Variants in LRRTM4 observed in about 807,000 individuals in gnomAD.
LRRTM4 encodes leucine-rich repeat transmembrane neuronal protein 4.
A neutral mutation model predicts 47.6 loss-of-function variants in LRRTM4; 25 were observed. The observed-to-expected ratio is 0.53, with a 90% confidence interval of 0.38 to 0.73. LRRTM4 has a LOEUF of 0.73. Among genes scored for constraint, LRRTM4 ranks in the 30% least tolerant of loss-of-function variants. The probability of loss-of-function intolerance (pLI) is 0.00; values close to 1 mark genes in which losing one functional copy is unlikely to be tolerated. For missense variants in LRRTM4, 638 were observed against 713.4 expected (o/e 0.89, Z 1.20); for synonymous variants, 311 against 269.5 (o/e 1.15, Z -1.51).
At chr2:76,803,845 A>T (rs1675829648) in intron 3 of LRRTM4, among the ~76,000 whole-genome samples, 1 of 152,140 alleles carries the variant, frequency 6.6e-6, no homozygotes, top group Admixed American at 6.6e-5. Flanking sequence ...GTTTTATGCT[A>T]TGCCAAAAAC....
intron 3 of LRRTM4, among the ~76,000 whole-genome samples, chr2:77,069,174 C>CTG (rs752000024): frequency 1.3e-5 from 2 of 152,080 alleles, no homozygotes; most frequent in South Asian, 2.1e-4. Flanking sequence ...CTCTATATTT[C>CTG]TGTGTGTGTG....
At chr2:76,807,443 T>TATATATATATAC (rs1340328428) in intron 3 of LRRTM4, among the ~76,000 whole-genome samples, 9 of 99,490 alleles carry the variant, frequency 9.0e-5, no homozygotes, top group Non-Finnish European at 1.2e-4. Flanking sequence ...TATACGTATA[T>TATATATATATAC]ACATATATAT....
chr2:76,865,590 A>G (rs1672441809), intron 3 of LRRTM4, among the ~76,000 whole-genome samples: 1 of 152,210 alleles, frequency 6.6e-6, no homozygotes, highest in Admixed American at 6.5e-5. Context: ...ATAAGTTCTC[A>G]TTGAACATAT....
At chr2:77,468,851 G>A (rs755644445) in intron 3 of LRRTM4, among the ~76,000 whole-genome samples, 52 of 152,272 alleles carry the variant, frequency 3.4e-4, no homozygotes, top group Admixed American at 3.0e-3. Flanking sequence ...TCTCACATCT[G>A]AGCAGCAGAA....
At chr2:77,122,392 G>A (rs1671541458) in intron 3 of LRRTM4, among the ~76,000 whole-genome samples, 1 of 150,762 alleles carries the variant, frequency 6.6e-6, no homozygotes, top group Admixed American at 6.6e-5. Flanking sequence ...AAACCTACAT[G>A]TTGCAGAATT....
At chr2:76,981,313 C>A (rs1294727577) in intron 3 of LRRTM4, among the ~76,000 whole-genome samples, 1 of 152,098 alleles carries the variant, frequency 6.6e-6, no homozygotes, top group South Asian at 2.1e-4. Flanking sequence ...TTAACTATCT[C>A]TCACTCAGAA....
intron 3 of LRRTM4, among the ~76,000 whole-genome samples, chr2:76,776,634 G>A (rs1342164360): frequency 6.6e-6 from 1 of 151,344 alleles, no homozygotes; most frequent in African/African-American, 2.4e-5. Context: ...ATTTGTTTGA[G>A]TTCATTGTAG....
At chr2:76,801,511 T>C (rs1188915651) in intron 3 of LRRTM4, among the ~76,000 whole-genome samples, 1 of 151,714 alleles carries the variant, frequency 6.6e-6, no homozygotes, top group Non-Finnish European at 1.5e-5. Flanking sequence ...CTGGGGACTG[T>C]TGTGGTGTGG....
intron 3 of LRRTM4, among the ~76,000 whole-genome samples, chr2:77,381,445 C>T (rs1055647033): frequency 1.3e-5 from 2 of 151,932 alleles, no homozygotes; most frequent in African/African-American, 4.8e-5. Flanking sequence ...AGCAAGGGAG[C>T]AAATTGCTTT....
chr2:77,373,084 A>ATATAT (rs1553435852), intron 3 of LRRTM4, among the ~76,000 whole-genome samples: 4 of 127,256 alleles, frequency 3.1e-5, no homozygotes, highest in African/African-American at 1.2e-4. Flanking sequence ...ACAATTAAAA[A>ATATAT]AAAAATATAT....
chr2:76,852,926 G>T (rs965731344), intron 3 of LRRTM4, among the ~76,000 whole-genome samples: 3 of 152,074 alleles, frequency 2.0e-5, no homozygotes, highest in Non-Finnish European at 4.4e-5. Flanking sequence ...CTTTCAGACA[G>T]GGAAGAATTG....
chr2:77,372,158 G>T (rs190250700), intron 3 of LRRTM4, among the ~76,000 whole-genome samples: 1 of 151,716 alleles, frequency 6.6e-6, no homozygotes, highest in Non-Finnish European at 1.5e-5. Flanking sequence ...GCAGGAGGAA[G>T]ACATTAGTTT....
intron 3 of LRRTM4, among the ~76,000 whole-genome samples, chr2:77,023,425 A>G (rs75673432): frequency 0.04 from 6,035 of 152,258 alleles, 284 homozygotes; most frequent in East Asian, 0.14. Context: ...TGGCTTGAAT[A>G]TTTCCTCAGA....
intron 3 of LRRTM4, among the ~76,000 whole-genome samples, chr2:77,025,276 T>C (rs1276849458): frequency 6.6e-6 from 1 of 152,210 alleles, no homozygotes; most frequent in Admixed American, 6.5e-5. Context: ...AAGGTTGATT[T>C]ACGACTACAA....
At chr2:77,296,782 A>C (rs1676985787) in intron 3 of LRRTM4, among the ~76,000 whole-genome samples, 1 of 152,208 alleles carries the variant, frequency 6.6e-6, no homozygotes, top group Admixed American at 6.5e-5. Context: ...TACCTGTGTC[A>C]TGGATATTGC....
At chr2:77,045,340 T>A (rs1467594250) in intron 3 of LRRTM4, among the ~76,000 whole-genome samples, 1 of 151,988 alleles carries the variant, frequency 6.6e-6, no homozygotes, top group African/African-American at 2.4e-5. Context: ...CTATTATTTA[T>A]TTTTATTTTA....
At chr2:76,983,363 C>T (rs1445743957) in intron 3 of LRRTM4, among the ~76,000 whole-genome samples, 1 of 151,996 alleles carries the variant, frequency 6.6e-6, no homozygotes, top group African/African-American at 2.4e-5. Context: ...CCCCAGGTGT[C>T]AAGGGTGGGG....
At chr2:77,015,888 G>A (rs1340825668) in intron 3 of LRRTM4, among the ~76,000 whole-genome samples, 1 of 151,874 alleles carries the variant, frequency 6.6e-6, no homozygotes, top group Non-Finnish European at 1.5e-5. Context: ...AGTCTGAGAT[G>A]GGTGGATTAC....
chr2:77,241,231 C>T (rs1315681622), intron 3 of LRRTM4, among the ~76,000 whole-genome samples: 3 of 111,854 alleles, frequency 2.7e-5, no homozygotes, highest in African/African-American at 1.3e-4. Context: ...CACACACACA[C>T]ACACACACAC....
Sources: allele counts gnomAD v4.1 joint callset (sites outside exome capture counted in the v4.1 genomes callset), GRCh38; gene constraint gnomAD v4.1.1; transcripts MANE v1.5; gene names NCBI Gene and HGNC (gene_info 2026-07-23, HGNC 2026-07-21).